Variants in MARCKS observed in about 807,000 individuals in gnomAD.
MARCKS encodes the protein myristoylated alanine rich protein kinase C substrate.
A neutral mutation model predicts 6.3 loss-of-function variants in MARCKS; 4 were observed. The ratio of observed to expected loss-of-function variants is 0.63; its 90% confidence interval spans 0.31 to 1.45. The LOEUF is 1.45. Ranked by LOEUF, MARCKS falls within the 40% of genes most tolerant of loss-of-function variation. The probability of loss-of-function intolerance (pLI) is 0.07; values close to 1 mark genes in which losing one functional copy is unlikely to be tolerated. For missense variants in MARCKS, 636 were observed against 485.7 expected (o/e 1.31, Z -2.91); for synonymous variants, 289 against 236.5 (o/e 1.22, Z -2.04).
In MARCKS at chr6:113,857,476, C is replaced by CT. The variant is rs1258551886; in HGVS notation, c.-263dup. On this transcript the variant is annotated 5_prime_UTR_variant, in exon 1 of 2. Coordinates refer to ENST00000612661, the MANE Select transcript of MARCKS (RefSeq NM_002356.7). The stretch of plus-strand genomic sequence containing the variant: ...TTTTTTTCGAACTACACTTGGGCTC[C>CT]TTTTTTTGTGCTCGACTTTTCCACC... 3.4e-5 allele frequency: 15 copies of CT among 437,904 alleles called. No homozygotes were observed. The highest frequency in any genetic ancestry group is 5.3e-5 in the Non-Finnish European group (13 of 246,254). The allele number at this position is 437,904 out of a possible 1,614,324, so 27.1% of individuals were successfully genotyped here. A position where few individuals can be genotyped will look rare whatever the true frequency, so the allele number is the denominator to read the frequency against.
chr6:113,859,805 C>G lies in MARCKS; in HGVS notation c.225C>G (p.Ala75=), dbSNP rs778948419. The change falls in exon 2 of 2, where the codon GCC becomes GCG. Residue 75 remains alanine (A), a synonymous_variant. Transcript: ENST00000612661. ...PAADKEEPAA[A]GSGAASPSAA... The stretch of plus-strand genomic sequence containing the variant: ...CCGACAAGGAGGAGCCCGCGGCCGC[C>G]GGGAGCGGGGCGGCGTCGCCCTCCG... 6.6e-6 allele frequency: 9 copies of G among 1,360,424 alleles called. No homozygotes were observed. The highest frequency in any genetic ancestry group is 8.5e-6 in the Non-Finnish European group (9 of 1,060,246). 84.3% of individuals were successfully genotyped at this position (1,360,424 alleles called of 1,614,324 possible). A position where few individuals can be genotyped will look rare whatever the true frequency, so the allele number is the denominator to read the frequency against.
intron 1 of MARCKS, among the ~76,000 whole-genome samples, chr6:113,859,332 C>CT (rs1284173302): frequency 1.3e-5 from 2 of 152,204 alleles, no homozygotes; most frequent in African/African-American, 4.8e-5. Flanking sequence ...TCCCTGGCAC[C>CT]TTTTTTCCCC....
At position 113,857,991 on chromosome 6, in the gene MARCKS, A is replaced by C. The variant is rs769839307; in HGVS notation, c.102+144A>C. 1.1e-4 allele frequency: 87 copies of C among 756,604 alleles called. 3 individuals are homozygous for C. Among genetic ancestry groups the C allele is most frequent in the Non-Finnish European group, 6.8e-5 (31 of 452,624 alleles). 46.9% of individuals were successfully genotyped at this position (756,604 alleles called of 1,614,324 possible). ...TGGAAATGGATAGCCTAAATTGTGG[A>C]TTTTTCATAGCCGGGGTCCCCCCAC... On this transcript the variant is annotated intron_variant, in intron 1 of 1. Transcript: ENST00000612661.
rs1392750857 is a variant in MARCKS, at chr6:113,860,225, AGCGGCGCCGGGCGAGGAG to A, written c.651_668del (p.Pro218_Ala223del). ...CGGGCGCGGCCTCCGGGGAGCAGGCAGCGGCGCCGGGCGAGGAGGCGGCAGCGGGCGAGGAGGGGGCGG... is the reference window on the plus strand; with the variant it reads ...CGGGCGCGGCCTCCGGGGAGCAGGCAGCGGCAGCGGGCGAGGAGGGGGCGG... On this transcript the variant is annotated inframe_deletion, in exon 2 of 2. Coordinates refer to ENST00000612661, the MANE Select transcript of MARCKS (RefSeq NM_002356.7). 2.9e-5 allele frequency: 31 copies of A among 1,079,412 alleles called. No homozygotes were observed. Among genetic ancestry groups the A allele is most frequent in the East Asian group, 6.1e-5 (1 of 16,400 alleles). The allele number at this position is 1,079,412 out of a possible 1,614,324, so 66.9% of individuals were successfully genotyped here.
At position 113,860,643 on chromosome 6, in the gene MARCKS, C is replaced by A; in HGVS notation, c.*64C>A. 2 of 1,222,062 alleles carry A rather than the reference C, an allele frequency of 1.6e-6. No homozygotes were observed. Among genetic ancestry groups the A allele is most frequent in the South Asian group, 1.6e-5 (1 of 62,938 alleles). 75.7% of individuals were successfully genotyped at this position (1,222,062 alleles called of 1,614,324 possible). ...CCCCCGTTTGTTTGTTGGAGTGGTG[C>A]CAGGTACTGGTTTTGGAGAACTTGT... On this transcript the variant is annotated 3_prime_UTR_variant, in exon 2 of 2. Transcript: ENST00000612661.
At position 113,860,318 on chromosome 6, in the gene MARCKS, A is replaced by G. The variant is rs988816914; in HGVS notation, c.738A>G (p.Pro246=). The part of the protein sequence containing the change: ...EAKPQEAAVA[P]EKPPASDETK... ...AGCCCCAGGAGGCCGCTGTCGCGCC[A>G]GAGAAGCCGCCCGCCAGCGACGAGA... The change falls in exon 2 of 2, where the codon CCA becomes CCG. Residue 246 remains proline (P), a synonymous_variant. Transcript: ENST00000612661. The G allele has an allele frequency of 7.7e-7, 1 of 1,297,152 alleles. No individual in the cohort carries two copies. Among genetic ancestry groups the G allele is most frequent in the Non-Finnish European group, 1.0e-6 (1 of 997,088 alleles). 80.4% of individuals were successfully genotyped at this position (1,297,152 alleles called of 1,614,324 possible). A position where few individuals can be genotyped will look rare whatever the true frequency, so the allele number is the denominator to read the frequency against.
In MARCKS at chr6:113,857,753, C is replaced by T. The variant is rs761907101; in HGVS notation, c.8C>T (p.Ala3Val). The T allele has an allele frequency of 6.2e-6, 10 of 1,606,048 alleles. No homozygotes were observed. The highest frequency in any genetic ancestry group is 2.2e-5 in the East Asian group (1 of 44,650). The change falls in exon 1 of 2, where the codon GCC becomes GTC. Residue 3 changes from alanine (A) to valine (V), a missense_variant. Transcript: ENST00000612661. MG[A>V]QFSKTAAKGE... Reference sequence around the variant, plus strand: ...TTTGTTGAAGAAGCCAGCATGGGTGCCCAGTTCTCCAAGACCGCAGCGAAG... The same window carrying T: ...TTTGTTGAAGAAGCCAGCATGGGTGTCCAGTTCTCCAAGACCGCAGCGAAG...
chr6:113,857,968 G>C (rs915439707), intron 1 of MARCKS, 121 bp downstream of exon 1: 15 of 846,574 alleles, frequency 1.8e-5, no homozygotes, highest in Non-Finnish European at 2.5e-5. Flanking sequence ...AAGTTGAATG[G>C]AAATGGATAG....
rs1774889574 is a variant in MARCKS, at chr6:113,860,792, C to T, written c.*213C>T. ...TCCCATCTCAAATCATTCTGTTAAC[C>T]ACCATTCCAACAGGTCGAGGAGAGC... On this transcript the variant is annotated 3_prime_UTR_variant, in exon 2 of 2. Transcript: ENST00000612661. The T allele has an allele frequency of 2.9e-6, 1 of 340,952 alleles. No individual in the cohort carries two copies. The highest frequency in any genetic ancestry group is 4.7e-5 in the East Asian group (1 of 21,358). 21.1% of individuals were successfully genotyped at this position (340,952 alleles called of 1,614,324 possible).
chr6:113,860,347 A>C lies in MARCKS; in HGVS notation c.767A>C (p.Lys256Thr). 2.3e-6 allele frequency: 3 copies of C among 1,291,768 alleles called. No homozygotes were observed. Among genetic ancestry groups the C allele is most frequent in the East Asian group, 5.9e-5 (1 of 16,912 alleles). 80.0% of individuals were successfully genotyped at this position (1,291,768 alleles called of 1,614,324 possible). A position where few individuals can be genotyped will look rare whatever the true frequency, so the allele number is the denominator to read the frequency against. The change falls in exon 2 of 2, where the codon AAG becomes ACG. Residue 256 changes from lysine (K) to threonine (T), a missense_variant. Lys to Thr is a moderately conservative substitution (Grantham distance 78, BLOSUM62 -1). Coordinates refer to ENST00000612661, the MANE Select transcript of MARCKS (RefSeq NM_002356.7). Reference sequence around the variant, plus strand: ...AAGCCGCCCGCCAGCGACGAGACCAAGGCCGCCGAGGAGCCCAGCAAGGTG... The same window carrying C: ...AAGCCGCCCGCCAGCGACGAGACCACGGCCGCCGAGGAGCCCAGCAAGGTG... ...PEKPPASDET[K>T]AAEEPSKVEE...
rs774461693 is a variant in MARCKS at position 113,860,497 on chromosome 6, C to A, written c.917C>A (p.Ala306Asp). Residue 306 changes from alanine (A) to aspartate (D), a missense_variant, in exon 2 of 2, where the codon GCC becomes GAC. Coordinates refer to ENST00000612661, the MANE Select transcript of MARCKS (RefSeq NM_002356.7). ...GCGGAGGAGCCCGCGGCCGCCGCAG[C>A]CTCGTCAGCCTGCGCAGCCCCCTCA... is the stretch of plus-strand genomic sequence containing the variant. ...APAEEPAAAA[A>D]SSACAAPSQE... is the part of the protein sequence containing the mutation. The A allele has an allele frequency of 1.8e-5, 28 of 1,516,170 alleles. No individual in the cohort carries two copies. The highest frequency in any genetic ancestry group is 2.4e-5 in the Non-Finnish European group (27 of 1,131,910). 93.9% of individuals were successfully genotyped at this position (1,516,170 alleles called of 1,614,324 possible).
In MARCKS at chr6:113,859,856, C is replaced by A; in HGVS notation, c.276C>A (p.Ala92=). ...PSAAEKGEPA[A]AAAPEAGASP... is the part of the protein sequence containing the mutation. ...CGGCCGAGAAAGGTGAGCCGGCCGC[C>A]GCCGCTGCCCCCGAGGCCGGGGCCA... Residue 92 remains alanine, a synonymous_variant, in exon 2 of 2, where the codon GCC becomes GCA. Transcript: ENST00000612661. 1.5e-6 allele frequency: 2 copies of A among 1,306,894 alleles called. No individual in the cohort carries two copies. The highest frequency in any genetic ancestry group is 9.7e-7 in the Non-Finnish European group (1 of 1,029,908). The allele number at this position is 1,306,894 out of a possible 1,614,324, so 81.0% of individuals were successfully genotyped here. A position where few individuals can be genotyped will look rare whatever the true frequency, so the allele number is the denominator to read the frequency against.
At chr6:113,859,578 A>T (rs1774843238) in intron 1 of MARCKS, 105 bp from the exon 2 acceptor site, 5 of 1,045,122 alleles carry the variant, frequency 4.8e-6, no homozygotes, top group Non-Finnish European at 6.3e-6. Context: ...CTCGATGGCC[A>T]CAGGGGCCTT....
intron 1 of MARCKS, among the ~76,000 whole-genome samples, chr6:113,858,832 G>A (rs1250413956): frequency 6.6e-6 from 1 of 152,266 alleles, no homozygotes; most frequent in African/African-American, 2.4e-5. Flanking sequence ...AGCCGCCGAG[G>A]CGCGCCCAGG....
At chr6:113,859,615 AG>A in intron 1 of MARCKS, 67 bp from the exon 2 acceptor site, 1 of 1,342,122 alleles carries the variant, frequency 7.5e-7, no homozygotes, top group Non-Finnish European at 9.8e-7. Flanking sequence ...CTCCCGGTCC[AG>A]GGCTGGGGGC....
In MARCKS at chr6:113,857,351, G is replaced by T; in HGVS notation, c.-395G>T. On this transcript the variant is annotated 5_prime_UTR_variant, in exon 1 of 2. Coordinates refer to ENST00000612661, the MANE Select transcript of MARCKS (RefSeq NM_002356.7). Reference sequence around the variant, plus strand: ...CGCGAGCCCATTCATCTGTGCACTTGGGCGTTGGACCCCGCATCTTATTAG... The same window carrying T: ...CGCGAGCCCATTCATCTGTGCACTTTGGCGTTGGACCCCGCATCTTATTAG... 5.0e-6 allele frequency: 1 copy of T among 198,688 alleles called. No homozygotes were observed. The highest frequency in any genetic ancestry group is 7.2e-5 in the South Asian group (1 of 13,964). The allele number at this position is 198,688 out of a possible 1,614,324, so 12.3% of individuals were successfully genotyped here. A position where few individuals can be genotyped will look rare whatever the true frequency, so the allele number is the denominator to read the frequency against.
chr6:113,857,827 C>T lies in MARCKS; in HGVS notation c.82C>T (p.Pro28Ser), dbSNP rs745621515. The change falls in exon 1 of 2, where the codon CCT becomes TCT. Residue 28 changes from proline (P) to serine (S), a missense_variant. By Grantham distance (74) the Pro-to-Ser change is moderately conservative. Transcript: ENST00000612661. ...TGGGGAGGCGGCTGTGGCCTCGTCGCCTTCCAAAGCGAACGGACAGGTAAA... is the reference window on the plus strand; with the variant it reads ...TGGGGAGGCGGCTGTGGCCTCGTCGTCTTCCAAAGCGAACGGACAGGTAAA... ...RPGEAAVASS[P>S]SKANGQENGH... The T allele has an allele frequency of 3.1e-6, 5 of 1,603,964 alleles. No homozygotes were observed. In the African/African-American group the frequency reaches 6.7e-5, roughly 21 times the overall value.
Position 113,860,150 on chromosome 6 carries a change from A to C in MARCKS, c.570A>C (p.Glu190Asp), listed in dbSNP as rs753655112. The C allele has an allele frequency of 6.9e-7, 1 of 1,449,594 alleles. No homozygotes were observed. Among genetic ancestry groups the C allele is most frequent in the East Asian group, 2.9e-5 (1 of 34,326 alleles). The allele number at this position is 1,449,594 out of a possible 1,614,324, so 89.8% of individuals were successfully genotyped here. ...EGGEAEAPAA[E>D]GGKDEAAGGA... Reference sequence around the variant, plus strand: ...GTGAGGCTGAGGCGCCCGCTGCCGAAGGCGGCAAGGACGAGGCCGCCGGGG... The same window carrying C: ...GTGAGGCTGAGGCGCCCGCTGCCGACGGCGGCAAGGACGAGGCCGCCGGGG... Residue 190 changes from glutamate (E) to aspartate (D), a missense_variant, in exon 2 of 2, where the codon GAA (glutamate) becomes GAC (aspartate). Glu to Asp is a conservative substitution (Grantham distance 45). Transcript: ENST00000612661.
Position 113,860,032 on chromosome 6 carries a change from CGA to C in MARCKS, c.453_454del (p.Lys155GlufsTer28). The C allele has an allele frequency of 6.4e-7, 1 of 1,564,702 alleles. No homozygotes were observed. Among genetic ancestry groups the C allele is most frequent in the Non-Finnish European group, 8.6e-7 (1 of 1,159,750 alleles). ...ACGCCCTCGCCCAGCAACGAGACCC[CGA>C]AAAAAAAAAAGAAGCGCTTTTCCTT... On this transcript the variant is annotated frameshift_variant, in exon 2 of 2. Coordinates refer to ENST00000612661, the MANE Select transcript of MARCKS (RefSeq NM_002356.7). LOFTEE classifies it low-confidence loss of function (END_TRUNC).
Sources: gnomAD v4.1 joint callset for allele counts (sites outside exome capture counted in the v4.1 genomes callset) on GRCh38, gnomAD v4.1.1 for gene constraint, MANE v1.5 for transcripts, NCBI Gene and HGNC (gene_info 2026-07-23, HGNC 2026-07-21) for gene names.